The following CROCC variants were observed in gnomAD, a reference collection of about 807,000 sequenced individuals.
CROCC encodes the protein rootletin.
In CROCC, 180 loss-of-function variants were observed where a neutral mutation model predicts 245.2. That is an observed-to-expected ratio of 0.73 (90% CI 0.65 to 0.83). CROCC has a LOEUF of 0.83. Ranked by LOEUF, CROCC falls within the 40% of genes least tolerant of loss-of-function variation. The pLI is 0.00. For synonymous variants in CROCC, 1,205 were observed against 1,241.6 expected, an observed-to-expected ratio of 0.97 and a Z score of 0.62; for missense variants, 2,688 against 2,779.4, an observed-to-expected ratio of 0.97 and a Z score of 0.74.
intron 3 of CROCC, among the ~76,000 whole-genome samples, chr1:16,928,527 G>A (rs751794777): frequency 5.7e-4 from 86 of 152,148 alleles, no homozygotes; most frequent in Admixed American, 1.7e-3. Flanking sequence ...TCTTGGGCCG[G>A]ATGCTGTGGC....
Position 16,972,519 on chromosome 1 carries a change from A to G in CROCC, c.*73A>G, listed in dbSNP as rs6661019. On this transcript the variant is annotated 3_prime_UTR_variant, in exon 37 of 37. Transcript: ENST00000375541. ...GACCCTTCTTTTGGACAGCCCCCCC[A>G]CCCAGAGCCCGGTCCCTTGGGGGCC... 1.7e-4 allele frequency: 128 copies of G among 770,952 alleles called. No homozygotes were observed. Among genetic ancestry groups the G allele is most frequent in the East Asian group, 1.4e-3 (39 of 28,500 alleles). The allele number at this position is 770,952 out of a possible 1,614,324, so 47.8% of individuals were successfully genotyped here. A position where few individuals can be genotyped will look rare whatever the true frequency, so the allele number is the denominator to read the frequency against.
intron 3 of CROCC, among the ~76,000 whole-genome samples, chr1:16,928,078 C>G (rs2075576716): frequency 6.6e-6 from 1 of 152,298 alleles, no homozygotes; most frequent in Non-Finnish European, 1.5e-5. Flanking sequence ...CCGAGATGAG[C>G]GTGGGTGAGA....
At chr1:16,924,705 C>G (rs1339266442) in intron 3 of CROCC, among the ~76,000 whole-genome samples, 1 of 152,286 alleles carries the variant, frequency 6.6e-6, no homozygotes, top group African/African-American at 2.4e-5. Flanking sequence ...TTGTAGGAAT[C>G]AAGGAGATAA....
intron 16 of CROCC, 147 bp downstream of exon 16, chr1:16,946,552 C>T: frequency 7.7e-7 from 1 of 1,299,334 alleles, no homozygotes; most frequent in Non-Finnish European, 1.1e-6. Flanking sequence ...CTCTGTCTGT[C>T]TGTCTATCCC....
Position 16,940,707 on chromosome 1 carries a change from TCAG to T in CROCC, c.1808+615_1808+617del, listed in dbSNP as rs986387838. 22 of 236,094 alleles carry T rather than the reference TCAG, an allele frequency of 9.3e-5. No individual in the cohort carries two copies. In the Admixed American group the frequency reaches 1.3e-3, roughly 14 times the overall value. 14.6% of individuals were successfully genotyped at this position (236,094 alleles called of 1,614,324 possible). A position where few individuals can be genotyped will look rare whatever the true frequency, so the allele number is the denominator to read the frequency against. ...CCGGCCAACATTTATTTTTTAGTAT[TCAG>T]TTTTGTTTTGTTTTGTTTTGTTTTG... On this transcript the variant is annotated intron_variant, in intron 13 of 36. Coordinates refer to ENST00000375541, the MANE Select transcript of CROCC (RefSeq NM_014675.5).
Position 16,966,476 on chromosome 1 carries a change from C to G in CROCC, c.4765C>G (p.Arg1589Gly). Residue 1589 changes from arginine (R) to glycine (G), a missense_variant, in exon 30 of 37, where the codon CGG (arginine) becomes GGG (glycine). By Grantham distance (125) the Arg-to-Gly change is moderately radical. Around this residue, in one of 9 missense-constraint regions of CROCC, gnomAD observed 1,218 missense variants for 1,286.3 expected, o/e 0.95. Transcript: ENST00000375541. The surrounding 1 kb of genome is among the most constrained non-coding windows in gnomAD (Gnocchi z 4.8). ...GCTGGCGCTGCAGGAGGAGAGTGTG[C>G]GGCGCAGTGAGCGGGAGCGCCGGGC... ...AELALQEESVRRSERERRATL... is the reference protein window; with the variant it reads ...AELALQEESVGRSERERRATL... The G allele has an allele frequency of 6.5e-7, 1 of 1,535,290 alleles. No individual in the cohort carries two copies. The highest frequency in any genetic ancestry group is 8.7e-7 in the Non-Finnish European group (1 of 1,145,318).
At chr1:16,962,030 C>A (rs2076341682) in intron 27 of CROCC, among the ~76,000 whole-genome samples, 1 of 152,070 alleles carries the variant, frequency 6.6e-6, no homozygotes, top group South Asian at 2.1e-4. Flanking sequence ...AAGTGGAAAT[C>A]TTACACTTGT....
intron 11 of CROCC, 33 bp downstream of exon 11, chr1:16,938,516 C>T: frequency 6.5e-7 from 1 of 1,534,196 alleles, no homozygotes; most frequent in South Asian, 1.2e-5. Flanking sequence ...AGACAGCGCC[C>T]TGCCAGGCAG....
intron 10 of CROCC, 150 bp from the exon 11 acceptor site, chr1:16,938,250 C>T (rs1212378628): frequency 1.3e-5 from 9 of 690,480 alleles, no homozygotes; most frequent in East Asian, 5.4e-5. Flanking sequence ...GTGAGGGCCT[C>T]GGGCCTGCTG....
intron 12 of CROCC, among the ~76,000 whole-genome samples, chr1:16,939,650 C>G (rs536339677): frequency 2.5e-4 from 38 of 152,016 alleles, no homozygotes; most frequent in Non-Finnish European, 4.4e-4. Context: ...GTCTGGCATC[C>G]GGGGGGCTTT....
At chr1:16,928,349 G>A (rs1455137544) in intron 3 of CROCC, among the ~76,000 whole-genome samples, 1 of 152,272 alleles carries the variant, frequency 6.6e-6, no homozygotes, top group Non-Finnish European at 1.5e-5. Flanking sequence ...GGGCCAGCAG[G>A]TGCCTTAAGG....
At chr1:16,924,198 C>G in intron 2 of CROCC, 127 bp from the exon 3 acceptor site, 1 of 1,189,550 alleles carries the variant, frequency 8.4e-7, no homozygotes, top group South Asian at 1.5e-5. Flanking sequence ...GTTTGCAGGC[C>G]TGGTGCTGCA....
intron 3 of CROCC, 71 bp from the exon 4 acceptor site, chr1:16,929,775 C>A (rs571837710): frequency 1.4e-6 from 2 of 1,452,000 alleles, no homozygotes; most frequent in Admixed American, 2.7e-5. Flanking sequence ...CCCAGCCTGC[C>A]ACGCCCTACA....
At position 16,958,567 on chromosome 1, in the gene CROCC, T is replaced by C; in HGVS notation, c.3865-16T>C. ...GGGGCAGAGCTGAACCTGCTGCCAT[T>C]CCCGTGCTCTCACAGATGAAGATGC... is the stretch of plus-strand genomic sequence containing the variant. On this transcript the variant is annotated splice_polypyrimidine_tract_variant and intron_variant, in intron 25 of 36. Transcript: ENST00000375541. 1 of 1,549,544 alleles carries C rather than the reference T, an allele frequency of 6.5e-7. No individual in the cohort carries two copies. The highest frequency in any genetic ancestry group is 8.7e-7 in the Non-Finnish European group (1 of 1,146,988).
At chr1:16,934,845 T>G (rs1235077349) in intron 8 of CROCC, among the ~76,000 whole-genome samples, 7 of 151,558 alleles carry the variant, frequency 4.6e-5, no homozygotes, top group Non-Finnish European at 5.9e-5. Context: ...TCTTCTTCTT[T>G]TTTTTTTTGG....
At chr1:16,952,539 G>A (rs1478283974) in intron 20 of CROCC, among the ~76,000 whole-genome samples, 14 of 151,808 alleles carry the variant, frequency 9.2e-5, no homozygotes, top group African/African-American at 2.2e-4. Flanking sequence ...GTTGCTAGGG[G>A]CAAGTGCTGA....
Position 16,946,337 on chromosome 1 carries a change from T to G in CROCC, c.2215T>G (p.Ser739Ala). ...GGAGGCCTCCCTGCAGGACTCCCTG[T>G]CCAAGCTGAGCGCCCTCAACGAGAG... is the stretch of plus-strand genomic sequence containing the variant. ...AEEASLQDSL[S>A]KLSALNESLA... is the part of the protein sequence containing the mutation. Residue 739 changes from serine (S) to alanine (A), a missense_variant, in exon 16 of 37, where the codon TCC becomes GCC. Physicochemically the swap from Ser to Ala is moderately conservative, Grantham distance 99. Coordinates refer to ENST00000375541, the MANE Select transcript of CROCC (RefSeq NM_014675.5). The G allele has an allele frequency of 6.2e-7, 1 of 1,613,466 alleles. No individual in the cohort carries two copies. The highest frequency in any genetic ancestry group is 8.5e-7 in the Non-Finnish European group (1 of 1,180,006).
rs745803786 is a variant in CROCC, at chr1:16,922,086, C to T, written c.60+8C>T. The T allele has an allele frequency of 1.0e-4, 158 of 1,543,794 alleles. No individual in the cohort carries two copies. The highest frequency in any genetic ancestry group is 7.9e-6 in the Non-Finnish European group (9 of 1,143,510). ...CTAGAGACGGTTATCCAGGTGGGTC[C>T]TGGGGGCTGTGCCCACCCTGTCTGG... is the stretch of plus-strand genomic sequence containing the variant. On this transcript the variant is annotated splice_region_variant and intron_variant, in intron 1 of 36. Transcript: ENST00000375541.
At chr1:16,920,302 C>T (rs2075377120), upstream of CROCC, among the ~76,000 whole-genome samples, 1 of 152,224 alleles carries the variant, frequency 6.6e-6, no homozygotes, top group Non-Finnish European at 1.5e-5. Context: ...TGGTCTTAAT[C>T]TCTTGACCTC....
Sources: allele counts gnomAD v4.1 joint callset (sites outside exome capture counted in the v4.1 genomes callset), GRCh38; gene constraint gnomAD v4.1.1; regional missense constraint gnomAD v4.1.1; non-coding constraint Gnocchi (gnomAD v3.1); transcripts MANE v1.5; gene names NCBI Gene and HGNC (gene_info 2026-07-23, HGNC 2026-07-21).